LRMDA: variants seen among roughly 807,000 people sequenced by gnomAD.
LRMDA encodes the protein leucine rich melanocyte differentiation associated.
Under a neutral mutation model 29.8 loss-of-function variants are expected in LRMDA, and 18 were observed. That is an observed-to-expected ratio of 0.60 (90% CI 0.42 to 0.90). LRMDA has a LOEUF of 0.90. Among genes scored for constraint, LRMDA ranks in the 40% least tolerant of loss-of-function variants. LRMDA has a pLI of 0.00. For synonymous variants in LRMDA, 125 were observed against 109.4 expected (o/e 1.14, Z -0.89); for missense variants, 273 against 273.9 (o/e 1.00, Z 0.02).
At chr10:76,537,832 A>C (rs2132380589) in intron 6 of LRMDA, among the ~76,000 whole-genome samples, 1 of 152,208 alleles carries the variant, frequency 6.6e-6, no homozygotes, top group East Asian at 1.9e-4. Context: ...ATCTTCCCTC[A>C]TTCTTAGTTT....
At chr10:75,454,144 C>T (rs1844489511) in intron 2 of LRMDA, among the ~76,000 whole-genome samples, 1 of 152,172 alleles carries the variant, frequency 6.6e-6, no homozygotes, top group South Asian at 2.1e-4. Flanking sequence ...GGCTATAGGG[C>T]AGGACGCTTC....
At chr10:76,018,263 T>C (rs773518690) in intron 2 of LRMDA, among the ~76,000 whole-genome samples, 11 of 152,222 alleles carry the variant, frequency 7.2e-5, no homozygotes, top group African/African-American at 7.2e-5. Context: ...GTCCTGCATA[T>C]TGTATGATGT....
chr10:75,459,680 T>C (rs879814612), intron 2 of LRMDA, among the ~76,000 whole-genome samples: 1 of 152,232 alleles, frequency 6.6e-6, no homozygotes, highest in Non-Finnish European at 1.5e-5. Flanking sequence ...TTTGTGTTGC[T>C]AGACAGTATA....
At chr10:75,959,635 GATAT>G (rs1846727892) in intron 2 of LRMDA, among the ~76,000 whole-genome samples, 1 of 152,000 alleles carries the variant, frequency 6.6e-6, no homozygotes, top group Non-Finnish European at 1.5e-5. Context: ...AGGCCTCTAC[GATAT>G]ATATGTGTTT....
intron 6 of LRMDA, among the ~76,000 whole-genome samples, chr10:76,417,969 T>C (rs1589175059): frequency 2.0e-5 from 3 of 152,198 alleles, no homozygotes; most frequent in African/African-American, 7.2e-5. Context: ...ATATGTGAAG[T>C]TGTCTTGGAC....
chr10:75,789,975 G>T (rs989799628), intron 2 of LRMDA, among the ~76,000 whole-genome samples: 1 of 152,056 alleles, frequency 6.6e-6, no homozygotes, highest in African/African-American at 2.4e-5. Flanking sequence ...CCAAATATAC[G>T]AGATGGTTAA....
chr10:75,764,518 G>A (rs1843135862), intron 2 of LRMDA, among the ~76,000 whole-genome samples: 1 of 152,204 alleles, frequency 6.6e-6, no homozygotes. Flanking sequence ...TAGACAGGAA[G>A]TACACAAAGG....
At chr10:75,637,332 G>C (rs944652334) in intron 2 of LRMDA, among the ~76,000 whole-genome samples, 2 of 152,210 alleles carry the variant, frequency 1.3e-5, no homozygotes, top group Admixed American at 6.5e-5. Context: ...TGCTGTTGCA[G>C]GAAGGCAGAT....
intron 5 of LRMDA, among the ~76,000 whole-genome samples, chr10:76,221,805 C>T (rs1419613028): frequency 2.6e-5 from 4 of 151,414 alleles, no homozygotes; most frequent in East Asian, 2.0e-4. Context: ...GAGCCCACAT[C>T]GCCAAGTCAA....
intron 6 of LRMDA, among the ~76,000 whole-genome samples, chr10:76,378,292 G>A (rs1023675826): frequency 3.9e-5 from 6 of 152,054 alleles, no homozygotes; most frequent in Non-Finnish European, 5.9e-5. Context: ...TGGAGGAGTC[G>A]TTAAAGTTTT....
At chr10:75,603,674 G>A (rs1243234935) in intron 2 of LRMDA, among the ~76,000 whole-genome samples, 1 of 152,098 alleles carries the variant, frequency 6.6e-6, no homozygotes, top group Non-Finnish European at 1.5e-5. Flanking sequence ...TGAGATTCAT[G>A]GATTCCCCTC....
At chr10:76,363,414 A>G (rs1355115606) in intron 6 of LRMDA, among the ~76,000 whole-genome samples, 1 of 152,190 alleles carries the variant, frequency 6.6e-6, no homozygotes, top group East Asian at 1.9e-4. Context: ...TCTCTATAGA[A>G]AATTCAGTGG....
chr10:76,045,477 G>A (rs1848423130), intron 3 of LRMDA, among the ~76,000 whole-genome samples: 1 of 151,204 alleles, frequency 6.6e-6, no homozygotes, highest in African/African-American at 2.4e-5. Context: ...CCCCTCTTTT[G>A]CTAGTTTCCC....
intron 5 of LRMDA, among the ~76,000 whole-genome samples, chr10:76,242,719 G>C (rs898642523): frequency 6.6e-6 from 1 of 152,180 alleles, no homozygotes; most frequent in African/African-American, 2.4e-5. Flanking sequence ...CAAATAAGCT[G>C]ACATTCTGAG....
intron 2 of LRMDA, among the ~76,000 whole-genome samples, chr10:75,845,138 TG>T (rs975858999): frequency 3.9e-5 from 6 of 152,248 alleles, no homozygotes; most frequent in African/African-American, 1.4e-4. Context: ...AAAAGTTTCT[TG>T]GGGGAAAGCT....
At chr10:76,535,381 AT>A (rs1346043393) in intron 6 of LRMDA, among the ~76,000 whole-genome samples, 3 of 152,118 alleles carry the variant, frequency 2.0e-5, no homozygotes, top group Non-Finnish European at 2.9e-5. Flanking sequence ...TTCTTAACTA[AT>A]TTTTTAAACA....
At chr10:75,671,050 G>T (rs1270880300) in intron 2 of LRMDA, among the ~76,000 whole-genome samples, 1 of 152,130 alleles carries the variant, frequency 6.6e-6, no homozygotes, top group African/African-American at 2.4e-5. Context: ...TCCTCTCATT[G>T]TGGCCATGAT....
At chr10:76,504,636 C>T (rs1317667834) in intron 6 of LRMDA, among the ~76,000 whole-genome samples, 2 of 151,946 alleles carry the variant, frequency 1.3e-5, no homozygotes, top group Non-Finnish European at 2.9e-5. Context: ...GTGAGTAGTG[C>T]TCTTTTTTCC....
chr10:75,841,060 G>A (rs1394941354), intron 2 of LRMDA, among the ~76,000 whole-genome samples: 1 of 152,148 alleles, frequency 6.6e-6, no homozygotes, highest in Non-Finnish European at 1.5e-5. Flanking sequence ...CTGTAGCTCT[G>A]GGGTTCATCT....
Sources: allele counts gnomAD v4.1 joint callset (sites outside exome capture counted in the v4.1 genomes callset), GRCh38; gene constraint gnomAD v4.1.1; transcripts MANE v1.5; gene names NCBI Gene and HGNC (gene_info 2026-07-23, HGNC 2026-07-21).